The following KCNIP4 variants were observed in gnomAD, a reference collection of about 807,000 sequenced individuals.
The protein encoded by KCNIP4 is Kv channel-interacting protein 4.
Under a neutral mutation model 34.0 loss-of-function variants are expected in KCNIP4, and 12 were observed. The observed-to-expected ratio is 0.35, with a 90% CI of 0.23 to 0.57. The LOEUF (loss-of-function observed/expected upper bound fraction) is 0.57, where lower values mean the gene tolerates loss of function less well. Among genes scored for constraint, KCNIP4 ranks in the 20% least tolerant of loss-of-function variants. The pLI is 0.83. For synonymous variants in KCNIP4, 124 were observed against 102.2 expected (o/e 1.21, Z -1.29); for missense variants, 238 against 311.7 (o/e 0.76, Z 1.78).
At chr4:20,992,480 A>G (rs1332244534) in intron 1 of KCNIP4, among the ~76,000 whole-genome samples, 1 of 152,200 alleles carries the variant, frequency 6.6e-6, no homozygotes, top group Non-Finnish European at 1.5e-5. Flanking sequence ...GTGGGAACAC[A>G]GCCAAACCAT....
At position 21,369,076 on chromosome 4, in the gene KCNIP4, C is replaced by T. The variant is rs577014589; in HGVS notation, c.62-486367G>A. ...AGTTAGGTAGACCTAAATTCTAGCTCCTGTTTTATCACTTACTAGCTGAAT... is the reference window on the plus strand; with the variant it reads ...AGTTAGGTAGACCTAAATTCTAGCTTCTGTTTTATCACTTACTAGCTGAAT... On this transcript the variant is annotated intron_variant, in intron 1 of 8. Coordinates refer to ENST00000382152, the MANE Select transcript of KCNIP4 (RefSeq NM_025221.6). Among the ~76,000 whole-genome samples the T allele has an allele frequency of 7.1e-4, 105 of 147,014 alleles. 19 individuals carry two copies. The highest frequency in any genetic ancestry group is 2.8e-3 in the African/African-American group (102 of 36,822).
intron 1 of KCNIP4, among the ~76,000 whole-genome samples, chr4:21,344,651 G>A (rs1235758671): frequency 1.3e-5 from 2 of 152,080 alleles, no homozygotes; most frequent in Non-Finnish European, 2.9e-5. Context: ...CATATTCCCA[G>A]GTACTTTCAA....
chr4:21,720,861 T>G (rs957707030), intron 1 of KCNIP4, among the ~76,000 whole-genome samples: 5 of 152,150 alleles, frequency 3.3e-5, no homozygotes, highest in African/African-American at 4.8e-5. Context: ...TCCTTTATTA[T>G]GGCTGCATAG....
At chr4:20,875,154 G>T (rs1723877450) in intron 2 of KCNIP4, among the ~76,000 whole-genome samples, 1 of 152,028 alleles carries the variant, frequency 6.6e-6, no homozygotes, top group South Asian at 2.1e-4. Flanking sequence ...CACAATATGT[G>T]CTGTGTATGA....
chr4:20,822,545 C>T (rs974797719), intron 3 of KCNIP4, among the ~76,000 whole-genome samples: 2 of 152,100 alleles, frequency 1.3e-5, no homozygotes, highest in Non-Finnish European at 2.9e-5. Context: ...GGTAGAACTA[C>T]CATTCAATCC....
chr4:21,087,146 A>ATGTGTGTGTGTGTGTG (rs34874556), intron 1 of KCNIP4, among the ~76,000 whole-genome samples: 53 of 110,930 alleles, frequency 4.8e-4, no homozygotes, highest in East Asian at 7.8e-4. Context: ...CTGCTGGGTA[A>ATGTGTGTGTGTGTGTG]TGTGTGTGTG....
chr4:21,561,581 C>T (rs1240558670), intron 1 of KCNIP4, among the ~76,000 whole-genome samples: 1 of 151,866 alleles, frequency 6.6e-6, no homozygotes, highest in African/African-American at 2.4e-5. Flanking sequence ...TGGTGGGCAG[C>T]AGCAGTTCTA....
At chr4:20,803,074 C>CAA (rs4054902) in intron 3 of KCNIP4, among the ~76,000 whole-genome samples, 95 of 78,130 alleles carry the variant, frequency 1.2e-3, no homozygotes, top group Non-Finnish European at 1.7e-3. Flanking sequence ...GACTCTGCCT[C>CAA]AAAAAAAAAA....
At chr4:21,079,425 T>C (rs893393551) in intron 1 of KCNIP4, among the ~76,000 whole-genome samples, 2 of 152,138 alleles carry the variant, frequency 1.3e-5, no homozygotes, top group East Asian at 3.9e-4. Flanking sequence ...TATTCATTTA[T>C]TGAACTCCTA....
chr4:20,999,224 C>T (rs966476669), intron 1 of KCNIP4, among the ~76,000 whole-genome samples: 3 of 152,088 alleles, frequency 2.0e-5, no homozygotes, highest in African/African-American at 7.2e-5. Flanking sequence ...AGAGGGAGAT[C>T]ATACTTCATC....
At chr4:21,210,695 C>T (rs962182486) in intron 1 of KCNIP4, among the ~76,000 whole-genome samples, 1 of 152,030 alleles carries the variant, frequency 6.6e-6, no homozygotes, top group Non-Finnish European at 1.5e-5. Context: ...TCCAAGTATC[C>T]ACTGAAAGAG....
chr4:21,521,535 C>T (rs1735526219), intron 1 of KCNIP4, among the ~76,000 whole-genome samples: 1 of 152,052 alleles, frequency 6.6e-6, no homozygotes, highest in South Asian at 2.1e-4. Flanking sequence ...CTTGCCATGC[C>T]ACTACTCCCC....
intron 3 of KCNIP4, among the ~76,000 whole-genome samples, chr4:20,836,349 C>A (rs906632708): frequency 3.9e-5 from 6 of 152,292 alleles, no homozygotes; most frequent in Middle Eastern, 3.4e-3. Context: ...TTGCTTCTTT[C>A]ATTACTGGTT....
At chr4:21,441,871 A>G (rs1371992253) in intron 1 of KCNIP4, among the ~76,000 whole-genome samples, 1 of 152,212 alleles carries the variant, frequency 6.6e-6, no homozygotes, top group African/African-American at 2.4e-5. Context: ...TAAATTGTAA[A>G]GTAGGTTTGA....
intron 1 of KCNIP4, among the ~76,000 whole-genome samples, chr4:21,895,156 C>A (rs982565535): frequency 3.9e-5 from 6 of 152,074 alleles, no homozygotes; most frequent in African/African-American, 2.4e-5. Flanking sequence ...CCTTGATATG[C>A]CCTAGAGTAT....
chr4:21,429,277 A>G (rs1726217045), intron 1 of KCNIP4, among the ~76,000 whole-genome samples: 1 of 151,304 alleles, frequency 6.6e-6, no homozygotes, highest in Admixed American at 6.6e-5. Context: ...TCACTTAGTC[A>G]TATGCATTTA....
chr4:21,885,507 T>C (rs888835002), intron 1 of KCNIP4, among the ~76,000 whole-genome samples: 1 of 152,100 alleles, frequency 6.6e-6, no homozygotes, highest in South Asian at 2.1e-4. Flanking sequence ...TAGAAATGAA[T>C]CACTTTCCCA....
chr4:21,589,303 T>C (rs1225862323), intron 1 of KCNIP4, among the ~76,000 whole-genome samples: 1 of 145,092 alleles, frequency 6.9e-6, no homozygotes, highest in Non-Finnish European at 1.5e-5. Context: ...TGTGTATAGA[T>C]ACATATATAC....
chr4:21,116,525 G>A (rs1261081937), intron 1 of KCNIP4, among the ~76,000 whole-genome samples: 2 of 152,196 alleles, frequency 1.3e-5, no homozygotes, highest in Non-Finnish European at 2.9e-5. Flanking sequence ...CCTCTGGATA[G>A]CTTTTCTGTA....
Sources: gnomAD v4.1 joint callset for allele counts (sites outside exome capture counted in the v4.1 genomes callset) on GRCh38, gnomAD v4.1.1 for gene constraint, MANE v1.5 for transcripts, NCBI Gene and HGNC (gene_info 2026-07-23, HGNC 2026-07-21) for gene names.